IFT88: variants seen among roughly 807,000 people sequenced by gnomAD.
IFT88 encodes the protein intraflagellar transport 88.
Under a neutral mutation model 119.5 loss-of-function variants are expected in IFT88, and 74 were observed. The ratio of observed to expected loss-of-function variants is 0.62; its 90% CI spans 0.51 to 0.75. The LOEUF is 0.75. IFT88 is among the 30% of genes least tolerant of loss of function. The pLI is 0.00. For missense variants in IFT88, 961 were observed against 977.7 expected, an observed-to-expected ratio of 0.98 and a Z score of 0.23; for synonymous variants, 279 against 316.7, an observed-to-expected ratio of 0.88 and a Z score of 1.26.
intron 24 of IFT88, among the ~76,000 whole-genome samples, chr13:20,687,753 G>T (rs2058082137): frequency 6.6e-6 from 1 of 152,028 alleles, no homozygotes; most frequent in Non-Finnish European, 1.5e-5. Flanking sequence ...GAAGAAGGGG[G>T]AGGAAAAAAT....
intron 23 of IFT88, among the ~76,000 whole-genome samples, chr13:20,668,138 G>T (rs1018008748): frequency 9.2e-5 from 14 of 152,180 alleles, no homozygotes; most frequent in Admixed American, 9.2e-4. Context: ...CTCTTAAAGG[G>T]CAAGGTCAGC....
At chr13:20,667,029 A>G (rs982454168) in intron 23 of IFT88, among the ~76,000 whole-genome samples, 2 of 152,180 alleles carry the variant, frequency 1.3e-5, no homozygotes, top group Admixed American at 6.5e-5. Flanking sequence ...ACCACTTCCC[A>G]TGTCAGTAAA....
In IFT88 at chr13:20,591,655, CT is replaced by C; in HGVS notation, c.303del (p.Gly102ValfsTer7). On this transcript the variant is annotated frameshift_variant, in exon 6 of 26. Transcript: ENST00000351808. LOFTEE classifies it high-confidence loss of function. Reference sequence around the variant, plus strand: ...AGACCCATGACAGCAGTGAGAGCAGCTGGTTTTACCAAAGCAGCTTTGAGAG... The same window carrying C: ...AGACCCATGACAGCAGTGAGAGCAGCGGTTTTACCAAAGCAGCTTTGAGAG... ...VTRPMTAVRA[A>X]GFTKAALRGS... is the part of the protein sequence containing the mutation. 2 of 1,612,640 alleles carry C rather than the reference CT, an allele frequency of 1.2e-6. No homozygotes were observed. Among genetic ancestry groups the C allele is most frequent in the Non-Finnish European group, 8.5e-7 (1 of 1,178,984 alleles).
chr13:20,614,507 T>C (rs2045245971), intron 13 of IFT88: 1 of 152,188 alleles, frequency 6.6e-6, no homozygotes, highest in Admixed American at 6.5e-5. Flanking sequence ...TATAACACTC[T>C]TAAAATGATA....
At chr13:20,577,616 T>G (rs968979932) in intron 2 of IFT88, among the ~76,000 whole-genome samples, 1 of 152,190 alleles carries the variant, frequency 6.6e-6, no homozygotes, top group African/African-American at 2.4e-5. Flanking sequence ...AATGATCATG[T>G]GGTTTTTGTT....
At chr13:20,671,207 A>G (rs1156283235) in intron 24 of IFT88, among the ~76,000 whole-genome samples, 168 bp downstream of exon 24, 3 of 152,226 alleles carry the variant, frequency 2.0e-5, no homozygotes, top group Non-Finnish European at 4.4e-5. Context: ...TCTGATATGT[A>G]AATGAGTATT....
intron 11 of IFT88, among the ~76,000 whole-genome samples, chr13:20,601,090 G>A (rs1312561398): frequency 6.6e-6 from 1 of 152,196 alleles, no homozygotes; most frequent in African/African-American, 2.4e-5. Flanking sequence ...AATGGGCCGG[G>A]CACGGTGCCT....
At position 20,601,774 on chromosome 13, in the gene IFT88, A is replaced by T. The variant is rs775806958; in HGVS notation, c.882A>T (p.Ser294=). The T allele has an allele frequency of 6.2e-7, 1 of 1,613,172 alleles. No homozygotes were observed. Among genetic ancestry groups the T allele is most frequent in the Non-Finnish European group, 8.5e-7 (1 of 1,179,254 alleles). The change falls in exon 12 of 26, where the codon TCA becomes TCT. Residue 294 remains serine, a synonymous_variant. Coordinates refer to ENST00000351808, the MANE Select transcript of IFT88 (RefSeq NM_006531.5). Reference sequence around the variant, plus strand: ...GTCAGTATTCAGATGCTATTAATTCATATGAGCACATAATGAGCATGGCAC... The same window carrying T: ...GTCAGTATTCAGATGCTATTAATTCTTATGAGCACATAATGAGCATGGCAC... The part of the protein sequence containing the change: ...QAGQYSDAIN[S]YEHIMSMAPN...
intron 13 of IFT88, among the ~76,000 whole-genome samples, chr13:20,608,325 T>G (rs1429464345): frequency 6.6e-6 from 1 of 152,178 alleles, no homozygotes; most frequent in Non-Finnish European, 1.5e-5. Flanking sequence ...GGAGGATGCG[T>G]TGCCTGCAGC....
rs577117496 is a variant in IFT88, at chr13:20,649,953, C to T, written c.1950-3923C>T. ...AAGAAGAAATAAAAATCTGCATAGA[C>T]CTATAACCAGTAAGGAAATTAAATC... On this transcript the variant is annotated intron_variant, in intron 20 of 25. Transcript: ENST00000351808. 2.6e-5 allele frequency among the ~76,000 whole-genome samples: 4 copies of T among 152,208 alleles called. No individual in the cohort carries two copies. In the East Asian group the frequency reaches 5.8e-4, roughly 22 times the overall value.
chr13:20,613,734 G>A (rs1423977951), intron 13 of IFT88, among the ~76,000 whole-genome samples: 1 of 152,096 alleles, frequency 6.6e-6, no homozygotes, highest in Non-Finnish European at 1.5e-5. Flanking sequence ...AATATGGGAT[G>A]TGATTCAGCC....
At chr13:20,587,205 G>C (rs1284179523) in intron 3 of IFT88, among the ~76,000 whole-genome samples, 3 of 151,296 alleles carry the variant, frequency 2.0e-5, no homozygotes, top group Non-Finnish European at 2.9e-5. Context: ...TGTGTTAATG[G>C]TTTTGTTTAG....
In IFT88 at chr13:20,638,417, G is replaced by A. The variant is rs372979556; in HGVS notation, c.1472G>A (p.Gly491Glu). Residue 491 changes from glycine (G) to glutamate (E), a missense_variant, in exon 17 of 26, where the codon GGG (glycine) becomes GAG (glutamate). Gly to Glu is a moderately conservative substitution (Grantham distance 98). Transcript: ENST00000351808. ...RYNPAALTNK[G>E]NTVFANGDYE... ...AATCCAGCAGCTCTTACTAATAAAG[G>A]GAATACAGTTTTTGCAAATGGTGAT... 6.5e-7 allele frequency: 1 copy of A among 1,527,246 alleles called. No homozygotes were observed. Among genetic ancestry groups the A allele is most frequent in the Non-Finnish European group, 8.8e-7 (1 of 1,142,550 alleles). The allele number at this position is 1,527,246 out of a possible 1,614,324, so 94.6% of individuals were successfully genotyped here. A position where few individuals can be genotyped will look rare whatever the true frequency, so the allele number is the denominator to read the frequency against.
chr13:20,665,625 C>T (rs1274296228), intron 23 of IFT88, among the ~76,000 whole-genome samples: 4 of 152,162 alleles, frequency 2.6e-5, no homozygotes, highest in Non-Finnish European at 5.9e-5. Context: ...AGGTTAAGAT[C>T]ACCAGTCATT....
intron 16 of IFT88, among the ~76,000 whole-genome samples, chr13:20,635,561 G>C (rs538781752): frequency 6.6e-6 from 1 of 152,306 alleles, no homozygotes; most frequent in East Asian, 1.9e-4. Flanking sequence ...GTCCTCTGTG[G>C]CTCTTGGCTC....
At chr13:20,683,175 G>C (rs1183223755) in intron 24 of IFT88, among the ~76,000 whole-genome samples, 1 of 152,112 alleles carries the variant, frequency 6.6e-6, no homozygotes, top group African/African-American at 2.4e-5. Context: ...AAAGCCTCCA[G>C]TTTCTCTTTA....
At chr13:20,639,599 A>G (rs1235756200) in intron 17 of IFT88, among the ~76,000 whole-genome samples, 1 of 152,160 alleles carries the variant, frequency 6.6e-6, no homozygotes, top group East Asian at 1.9e-4. Context: ...CCACTTGGGT[A>G]TCTGGGAAGA....
rs1437972412 is a variant in IFT88, at chr13:20,666,321, C to T, written c.2175+2717C>T. Among the ~76,000 whole-genome samples the T allele has an allele frequency of 9.8e-5, 15 of 152,332 alleles. No individual in the cohort carries two copies. The East Asian group carries it at 1.2e-3, about 12-fold the overall frequency. ...ACATTACTAGAAAAATGATCCTGCA[C>T]TTGGATGTCAGCAGGGTCCGACATC... On this transcript the variant is annotated intron_variant, in intron 23 of 25. Transcript: ENST00000351808.
chr13:20,597,516 G>A (rs574740447), intron 9 of IFT88, among the ~76,000 whole-genome samples: 54 of 151,982 alleles, frequency 3.6e-4, no homozygotes, highest in South Asian at 8.3e-4. Context: ...AGGCCGAGGC[G>A]GGCAGATCAC....
Sources: allele counts gnomAD v4.1 joint callset (sites outside exome capture counted in the v4.1 genomes callset), GRCh38; gene constraint gnomAD v4.1.1; transcripts MANE v1.5; gene names NCBI Gene and HGNC (gene_info 2026-07-23, HGNC 2026-07-21).